SNAP47: variants seen among roughly 807,000 people sequenced by gnomAD.
The protein encoded by SNAP47 is synaptosomal-associated protein 47.
Under a neutral mutation model 31.4 loss-of-function variants are expected in SNAP47, and 20 were observed. The ratio of observed to expected loss-of-function variants is 0.64; its 90% CI spans 0.45 to 0.93. The LOEUF is 0.93. Ranked by LOEUF, SNAP47 falls within the 40% of genes least tolerant of loss-of-function variation. SNAP47 has a pLI of 0.00. For synonymous variants in SNAP47, 194 were observed against 213.4 expected (o/e 0.91, Z 0.79); for missense variants, 492 against 528.5 (o/e 0.93, Z 0.68).
chr1:227,739,988 T>G (rs1338203108), intron 1 of SNAP47, among the ~76,000 whole-genome samples: 1 of 152,258 alleles, frequency 6.6e-6, no homozygotes, highest in Admixed American at 6.5e-5. Context: ...CAGCTCTGTT[T>G]CCATGTGGTG....
At chr1:227,739,888 G>C (rs1661475919) in intron 1 of SNAP47, among the ~76,000 whole-genome samples, 1 of 152,220 alleles carries the variant, frequency 6.6e-6, no homozygotes, top group Non-Finnish European at 1.5e-5. Context: ...CTGGAGGAAG[G>C]AGGTTGCAGA....
In SNAP47 at chr1:227,762,689, C is replaced by T. The variant is rs372448218; in HGVS notation, c.988+3204C>T. Among the ~76,000 whole-genome samples the T allele has an allele frequency of 2.0e-5, 3 of 152,188 alleles. No homozygotes were observed. The highest frequency in any genetic ancestry group is 1.9e-4 in the East Asian group (1 of 5,176). On this transcript the variant is annotated intron_variant, in intron 3 of 4. Transcript: ENST00000617596. This position sits in a 1 kb window ranked among gnomAD's most constrained non-coding sequence, Gnocchi z 4.2. ...CTTTCCAGAGACCTCTGCAGGGCTG[C>T]GTGCCAAGTGCACGTTTTATTTTAT...
At chr1:227,733,894 T>A (rs773373079), upstream of SNAP47, 18 of 1,613,002 alleles carry the variant, frequency 1.1e-5, no homozygotes, top group Admixed American at 2.8e-4. Context: ...CACTCCCACA[T>A]CCGTGGCCTC....
chr1:227,750,252 G>T (rs953609124), intron 2 of SNAP47, among the ~76,000 whole-genome samples: 4 of 152,250 alleles, frequency 2.6e-5, no homozygotes, highest in African/African-American at 9.6e-5. Context: ...GTCTGCAGGG[G>T]GCCAGCAGCT....
At chr1:227,759,988 TC>T (rs1213586799) in intron 3 of SNAP47, among the ~76,000 whole-genome samples, 1 of 152,040 alleles carries the variant, frequency 6.6e-6, no homozygotes, top group African/African-American at 2.4e-5. Context: ...TGTGTCCGCT[TC>T]CCCCTTGAGT....
upstream of SNAP47, chr1:227,735,127 C>T (rs1163740401): frequency 6.3e-7 from 1 of 1,579,082 alleles, no homozygotes; most frequent in Non-Finnish European, 8.6e-7. Context: ...GGTTGGGCAG[C>T]AAGAAGCCCC....
intron 1 of SNAP47, chr1:227,745,900 A>C (rs1488290421): frequency 1.3e-5 from 2 of 152,258 alleles, no homozygotes; most frequent in South Asian, 4.1e-4. Context: ...AGTCTGGGCC[A>C]AAGCTGCCAC....
intron 2 of SNAP47, among the ~76,000 whole-genome samples, chr1:227,758,688 A>T (rs924072943): frequency 6.6e-6 from 1 of 152,202 alleles, no homozygotes; most frequent in Non-Finnish European, 1.5e-5. Flanking sequence ...TTGAATCAAG[A>T]TGACCCAGAT....
At chr1:227,732,925 T>A, upstream of SNAP47, 1 of 1,613,110 alleles carries the variant, frequency 6.2e-7, no homozygotes, top group African/African-American at 1.3e-5. Context: ...CTCCACTCGC[T>A]GACCTCCTCC....
At chr1:227,761,562 G>T (rs1016930111) in intron 3 of SNAP47, among the ~76,000 whole-genome samples, 1 of 152,194 alleles carries the variant, frequency 6.6e-6, no homozygotes, top group Non-Finnish European at 1.5e-5. Context: ...GCCTGAACCC[G>T]AGTGTCCTAG....
At chr1:227,748,798 C>G (rs914573565) in intron 2 of SNAP47, among the ~76,000 whole-genome samples, 1 of 152,248 alleles carries the variant, frequency 6.6e-6, no homozygotes, top group Non-Finnish European at 1.5e-5. Context: ...TGTCTCCTGT[C>G]AGCATTGGCC....
chr1:227,767,778 T>C (rs1285757100), intron 4 of SNAP47, among the ~76,000 whole-genome samples: 2 of 152,238 alleles, frequency 1.3e-5, no homozygotes, highest in Admixed American at 1.3e-4. Flanking sequence ...ATACTGTGCA[T>C]GCATGCAGGT....
At chr1:227,771,248 A>G (rs987096902) in intron 4 of SNAP47, among the ~76,000 whole-genome samples, 3 of 152,100 alleles carry the variant, frequency 2.0e-5, no homozygotes, top group Non-Finnish European at 4.4e-5. Context: ...AGGTTTTGTG[A>G]TGCTGTTTTT....
intron 2 of SNAP47, 24 bp downstream of exon 2, chr1:227,748,257 C>T (rs1212010811): frequency 2.6e-6 from 4 of 1,532,214 alleles, no homozygotes; most frequent in Non-Finnish European, 3.5e-6. Context: ...GTACACTTTG[C>T]AAGGCACACA....
rs1445948451 is a variant in SNAP47 at position 227,763,098 on chromosome 1, A to G, written c.988+3613A>G. Among the ~76,000 whole-genome samples, 1 of 151,934 alleles carries G rather than the reference A, an allele frequency of 6.6e-6. No individual in the cohort carries two copies. The highest frequency in any genetic ancestry group is 1.9e-4 in the East Asian group (1 of 5,180). On this transcript the variant is annotated intron_variant, in intron 3 of 4. Transcript: ENST00000617596. The surrounding 1 kb of genome is among the most constrained non-coding windows in gnomAD (Gnocchi z 4.2). ...TGGCCTCTCAAGTAGCTGGGACTAT[A>G]GGCACATATCACCATGCCCAGCTAA...
chr1:227,769,266 G>C (rs1039557789), intron 4 of SNAP47, among the ~76,000 whole-genome samples: 3 of 152,186 alleles, frequency 2.0e-5, no homozygotes, highest in African/African-American at 7.2e-5. Context: ...GCCAGTGGCA[G>C]AGCGGGAGGA....
At chr1:227,735,137 C>T, upstream of SNAP47, 1 of 1,580,952 alleles carries the variant, frequency 6.3e-7, no homozygotes, top group Non-Finnish European at 8.6e-7. Flanking sequence ...CAAGAAGCCC[C>T]GCACAAAGTC....
intron 2 of SNAP47, among the ~76,000 whole-genome samples, chr1:227,751,919 G>A (rs898746713): frequency 6.6e-6 from 1 of 151,814 alleles, no homozygotes; most frequent in East Asian, 1.9e-4. Flanking sequence ...GCCCGCTACC[G>A]CGCCTGGCTA....
At chr1:227,754,238 G>A (rs937168250) in intron 2 of SNAP47, among the ~76,000 whole-genome samples, 6 of 152,218 alleles carry the variant, frequency 3.9e-5, no homozygotes, top group Non-Finnish European at 7.3e-5. Context: ...AGCCGTGCTG[G>A]TGCCTGTGTG....
Sources: allele counts gnomAD v4.1 joint callset (sites outside exome capture counted in the v4.1 genomes callset), GRCh38; gene constraint gnomAD v4.1.1; non-coding constraint Gnocchi (gnomAD v3.1); transcripts MANE v1.5; gene names NCBI Gene and HGNC (gene_info 2026-07-23, HGNC 2026-07-21).